Variants in CHSY1 observed in about 807,000 individuals in gnomAD.
CHSY1 encodes chondroitin sulfate synthase 1, also known as N-acetylgalactosaminyl-proteoglycan 3-beta-glucuronosyltransferase 1.
CHSY1 carries 13 observed loss-of-function variants against 59.8 expected under a neutral mutation model. The observed-to-expected ratio is 0.22, with a 90% CI of 0.14 to 0.35. The LOEUF (loss-of-function observed/expected upper bound fraction) is 0.35, where lower values mean the gene tolerates loss of function less well. CHSY1 is among the 10% of genes least tolerant of loss of function. The pLI, the probability that CHSY1 is intolerant of heterozygous loss-of-function variation, is 1.00. For synonymous variants in CHSY1, 459 were observed against 401.2 expected, an observed-to-expected ratio of 1.14 and a Z score of -1.72; for missense variants, 947 against 1,030.6, an observed-to-expected ratio of 0.92 and a Z score of 1.11.
chr15:101,228,604 C>G lies in CHSY1; in HGVS notation c.816+6478G>C, dbSNP rs542586359. Among the ~76,000 whole-genome samples, 19 of 152,106 alleles carry G rather than the reference C, an allele frequency of 1.2e-4. No homozygotes were observed. In the South Asian group the frequency reaches 3.1e-3, roughly 25 times the overall value. ...AGATTGGCAACTAAGAATTCTATAT[C>G]CAAGAAAGATGTCCTTTAAAAGTGG... is the stretch of plus-strand genomic sequence containing the variant. On this transcript the variant is annotated intron_variant, in intron 2 of 2. Coordinates refer to ENST00000254190, the MANE Select transcript of CHSY1 (RefSeq NM_014918.5).
At chr15:101,204,367 G>A (rs1444188968) in intron 2 of CHSY1, among the ~76,000 whole-genome samples, 1 of 151,570 alleles carries the variant, frequency 6.6e-6, no homozygotes, top group Non-Finnish European at 1.5e-5. Context: ...CCGGGAGATG[G>A]AGGGTGCAGT....
At position 101,207,667 on chromosome 15, in the gene CHSY1, A is replaced by T. The variant is rs553123165; in HGVS notation, c.816+27415T>A. ...CACTCAAAGAAAATAGATCTTCCAG[A>T]ATATACTATCCAAGCAAATATTCAG... is the stretch of plus-strand genomic sequence containing the variant. On this transcript the variant is annotated intron_variant, in intron 2 of 2. Transcript: ENST00000254190. Among the ~76,000 whole-genome samples the T allele has an allele frequency of 1.5e-3, 232 of 152,372 alleles. 2 individuals carry two copies. The highest frequency in any genetic ancestry group is 1.5e-3 in the Non-Finnish European group (99 of 68,038).
chr15:101,231,625 T>C (rs928966830), intron 2 of CHSY1, among the ~76,000 whole-genome samples: 5 of 152,186 alleles, frequency 3.3e-5, no homozygotes, highest in South Asian at 4.1e-4. Context: ...GAGAAAATAA[T>C]AGAAGAAAGA....
chr15:101,189,172 G>A lies in CHSY1; in HGVS notation c.817-10192C>T, dbSNP rs943231606. On this transcript the variant is annotated intron_variant, in intron 2 of 2. Transcript: ENST00000254190. ...GAGCGTGGCGGGCGAAAGAGTCCCA[G>A]CCCGGGCCTGCCACGAAGCGGCCAC... is the stretch of plus-strand genomic sequence containing the variant. 6.1e-4 allele frequency among the ~76,000 whole-genome samples: 93 copies of A among 152,210 alleles called. 1 individual carries two copies. The highest frequency in any genetic ancestry group is 4.4e-5 in the Non-Finnish European group (3 of 68,036).
At chr15:101,233,574 C>T (rs1004345875) in intron 2 of CHSY1, among the ~76,000 whole-genome samples, 10 of 152,168 alleles carry the variant, frequency 6.6e-5, no homozygotes, top group Non-Finnish European at 1.2e-4. Flanking sequence ...CAGCTTTCCT[C>T]GCTGCAAAAA....
intron 2 of CHSY1, among the ~76,000 whole-genome samples, chr15:101,217,812 C>G (rs780801630): frequency 6.6e-6 from 1 of 152,172 alleles, no homozygotes. Flanking sequence ...ATTCCAACCT[C>G]AAGGAAGGAG....
chr15:101,243,463 G>A (rs1034921701), intron 1 of CHSY1, among the ~76,000 whole-genome samples: 5 of 152,208 alleles, frequency 3.3e-5, no homozygotes, highest in African/African-American at 9.6e-5. Flanking sequence ...GCAAATCACC[G>A]TCTCCCTGAA....
intron 2 of CHSY1, among the ~76,000 whole-genome samples, chr15:101,225,382 T>A (rs551112876): frequency 6.6e-6 from 1 of 152,184 alleles, no homozygotes; most frequent in Non-Finnish European, 1.5e-5. Context: ...TCAAAATGCT[T>A]TGAATATTGA....
chr15:101,250,100 G>C (rs1436647849), intron 1 of CHSY1, among the ~76,000 whole-genome samples: 1 of 152,162 alleles, frequency 6.6e-6, no homozygotes, highest in East Asian at 1.9e-4. Context: ...AAGTGTAAAG[G>C]TATTGGTTAT....
chr15:101,195,705 G>A (rs983403630), intron 2 of CHSY1, among the ~76,000 whole-genome samples: 2 of 151,700 alleles, frequency 1.3e-5, no homozygotes, highest in Non-Finnish European at 2.9e-5. Flanking sequence ...GGTGCCTGTA[G>A]TCCTAGCTAC....
chr15:101,178,511 A>C lies in CHSY1; in HGVS notation c.1286T>G (p.Phe429Cys), dbSNP rs1360875306. The C allele has an allele frequency of 1.2e-6, 2 of 1,614,242 alleles. No individual in the cohort carries two copies. The highest frequency in any genetic ancestry group is 2.2e-5 in the South Asian group (2 of 91,088). Residue 429 changes from phenylalanine to cysteine, a missense_variant, in exon 3 of 3, where the codon TTC (phenylalanine) becomes TGC (cysteine). This residue lies in a region of CHSY1 where 602 missense variants were observed against 676.9 expected (regional missense o/e 0.89). Coordinates refer to ENST00000254190, the MANE Select transcript of CHSY1 (RefSeq NM_014918.5). The stretch of plus-strand genomic sequence containing the variant: ...GCGGTAGCCGTACTGGATCTCTTTG[A>C]AGTCAATGATGCGCCCTCTGGTCTT... ...NAKTRGRIID[F>C]KEIQYGYRRV...
chr15:101,182,137 C>G lies in CHSY1; in HGVS notation c.817-3157G>C, dbSNP rs117871935. 5.3e-3 allele frequency among the ~76,000 whole-genome samples: 814 copies of G among 152,310 alleles called. 1 individual carries two copies. The highest frequency in any genetic ancestry group is 0.01 in the Middle Eastern group (3 of 294). The stretch of plus-strand genomic sequence containing the variant: ...ACCTCAATCTACAGTACCTAGCAAG[C>G]AATTCATCTTTTTCTTGTAATATTA... On this transcript the variant is annotated intron_variant, in intron 2 of 2. Transcript: ENST00000254190.
chr15:101,215,474 C>T (rs544913940), intron 2 of CHSY1, among the ~76,000 whole-genome samples: 1 of 152,342 alleles, frequency 6.6e-6, no homozygotes, highest in South Asian at 2.1e-4. Context: ...GTGGCTCACG[C>T]CTGTAATCCC....
chr15:101,214,954 C>T (rs1001073930), intron 2 of CHSY1, among the ~76,000 whole-genome samples: 11 of 152,216 alleles, frequency 7.2e-5, no homozygotes, highest in Non-Finnish European at 4.4e-5. Flanking sequence ...GTTCTCTTGA[C>T]AGTGAGTTCT....
intron 2 of CHSY1, among the ~76,000 whole-genome samples, chr15:101,202,072 CA>C (rs2038579613): frequency 6.6e-6 from 1 of 152,224 alleles, no homozygotes; most frequent in African/African-American, 2.4e-5. Flanking sequence ...CTGGTCCTAT[CA>C]AGCTTGCCAG....
At chr15:101,218,207 G>C (rs1224169784) in intron 2 of CHSY1, among the ~76,000 whole-genome samples, 1 of 152,208 alleles carries the variant, frequency 6.6e-6, no homozygotes, top group Admixed American at 6.5e-5. Context: ...GACAGGAGAA[G>C]CCTGGAGATA....
At chr15:101,222,120 G>A (rs2038795305) in intron 2 of CHSY1, among the ~76,000 whole-genome samples, 2 of 152,166 alleles carry the variant, frequency 1.3e-5, no homozygotes, top group African/African-American at 2.4e-5. Context: ...AGGGTTAGAA[G>A]TCTACAGCCC....
intron 2 of CHSY1, among the ~76,000 whole-genome samples, chr15:101,203,255 G>A (rs2038591603): frequency 2.0e-5 from 3 of 152,188 alleles, no homozygotes; most frequent in African/African-American, 7.2e-5. Context: ...CCACAGTCCT[G>A]ACAGGCATGG....
Position 101,178,126 on chromosome 15 carries a change from C to A in CHSY1, c.1671G>T (p.Thr557=), listed in dbSNP as rs144268167. 6.8e-6 allele frequency: 11 copies of A among 1,614,172 alleles called. No individual in the cohort carries two copies. In the East Asian group the frequency reaches 2.5e-4, roughly 36 times the overall value. Reference sequence around the variant, plus strand: ...TGACGTTCTGATTGGGGATAAGACACGTCTTCTCAAAGTTTCCCATAAATC... The same window carrying A: ...TGACGTTCTGATTGGGGATAAGACAAGTCTTCTCAAAGTTTCCCATAAATC... ...FVRFMGNFEK[T]CLIPNQNVKL... The change falls in exon 3 of 3, where the codon ACG becomes ACT. Residue 557 remains threonine (T), a synonymous_variant. Transcript: ENST00000254190.
Sources: allele counts gnomAD v4.1 joint callset (sites outside exome capture counted in the v4.1 genomes callset), GRCh38; gene constraint gnomAD v4.1.1; regional missense constraint gnomAD v4.1.1; transcripts MANE v1.5; gene names NCBI Gene and HGNC (gene_info 2026-07-23, HGNC 2026-07-21).